Variants in B3GAT2 observed in about 807,000 individuals in gnomAD.
B3GAT2 encodes the protein beta-1,3-glucuronyltransferase 2, also known as galactosylgalactosylxylosylprotein 3-beta-glucuronosyltransferase 2.
A neutral mutation model predicts 27.8 loss-of-function variants in B3GAT2; 26 were observed. The observed-to-expected ratio is 0.93, with a 90% confidence interval of 0.68 to 1.30. The LOEUF (loss-of-function observed/expected upper bound fraction) is 1.30. B3GAT2 is among the 50% of genes most tolerant of loss of function. The pLI is 0.00. For synonymous variants in B3GAT2, 218 were observed against 195.1 expected (o/e 1.12, Z -0.98); for missense variants, 458 against 459.0 (o/e 1.00, Z 0.02).
chr6:70,857,861 A>G lies in B3GAT2; in HGVS notation c.*3802T>C. On this transcript the variant is annotated 3_prime_UTR_variant, in exon 4 of 4. Coordinates refer to ENST00000230053, the MANE Select transcript of B3GAT2 (RefSeq NM_080742.3). ...AGAAAGGCAATTTTTCTGTGATTAT[A>G]GAGATGAGTGCAACTACACGTGATA... 6.4e-7 allele frequency: 1 copy of G among 1,557,302 alleles called. No homozygotes were observed. Among genetic ancestry groups the G allele is most frequent in the African/African-American group, 1.4e-5 (1 of 73,660 alleles).
chr6:70,936,325 T>G (rs536229921), intron 1 of B3GAT2, among the ~76,000 whole-genome samples: 7 of 152,046 alleles, frequency 4.6e-5, no homozygotes, highest in African/African-American at 1.7e-4. Flanking sequence ...CACCCCACTG[T>G]GAACATTAGA....
At chr6:70,918,797 A>AC (rs998812072) in intron 1 of B3GAT2, among the ~76,000 whole-genome samples, 73 of 152,200 alleles carry the variant, frequency 4.8e-4, no homozygotes, top group African/African-American at 1.7e-3. Context: ...TTTGTGGGTA[A>AC]CCCGACCTTT....
intron 2 of B3GAT2, among the ~76,000 whole-genome samples, chr6:70,877,668 T>C (rs1245463442): frequency 6.6e-6 from 1 of 152,184 alleles, no homozygotes; most frequent in Admixed American, 6.5e-5. Context: ...CTGACATGAA[T>C]GTGGTGGCGG....
At chr6:70,917,957 ACTTT>A (rs1772801847) in intron 1 of B3GAT2, among the ~76,000 whole-genome samples, 1 of 151,922 alleles carries the variant, frequency 6.6e-6, no homozygotes, top group Non-Finnish European at 1.5e-5. Context: ...ATCCTTGTTA[ACTTT>A]CTGTCTCGTT....
At position 70,859,974 on chromosome 6, in the gene B3GAT2, T is replaced by A; in HGVS notation, c.*1689A>T. On this transcript the variant is annotated 3_prime_UTR_variant, in exon 4 of 4. Coordinates refer to ENST00000230053, the MANE Select transcript of B3GAT2 (RefSeq NM_080742.3). ...CCAAGATTGCTTTGGTATTTTTTTTTAAGTAAGTTGTGGTTAATCTTTGGG... is the reference window on the plus strand; with the variant it reads ...CCAAGATTGCTTTGGTATTTTTTTTAAAGTAAGTTGTGGTTAATCTTTGGG... 2.5e-6 allele frequency: 1 copy of A among 405,078 alleles called. No individual in the cohort carries two copies. Among genetic ancestry groups the A allele is most frequent in the Non-Finnish European group, 4.2e-6 (1 of 235,732 alleles). 25.1% of individuals were successfully genotyped at this position (405,078 alleles called of 1,614,324 possible).
At position 70,924,989 on chromosome 6, in the gene B3GAT2, C is replaced by T. The variant is rs372448321; in HGVS notation, c.592-30717G>A. The stretch of plus-strand genomic sequence containing the variant: ...TTTGAGATGTCTTTTCAGGCTTTTG[C>T]AATTCTGACAACCAGATGGCACCAC... On this transcript the variant is annotated intron_variant, in intron 1 of 3. Transcript: ENST00000230053. Among the ~76,000 whole-genome samples, 6 of 152,238 alleles carry T rather than the reference C, an allele frequency of 3.9e-5. No individual in the cohort carries two copies. The East Asian group carries it at 5.8e-4, about 15-fold the overall frequency.
At chr6:70,921,180 G>T (rs113159393) in intron 1 of B3GAT2, among the ~76,000 whole-genome samples, 8 of 152,120 alleles carry the variant, frequency 5.3e-5, no homozygotes, top group African/African-American at 1.9e-4. Flanking sequence ...CTCTAGCAAG[G>T]CTGGAAAAAT....
At position 70,957,007 on chromosome 6, in the gene B3GAT2, C is replaced by T. The variant is rs1475383766; in HGVS notation, c.-578G>A. On this transcript the variant is annotated 5_prime_UTR_variant, in exon 1 of 4. Transcript: ENST00000230053. ...CTGTGTTCGCGCGCCGCAGCGGAAG[C>T]CTGCTCTCAGTCCCTTGCTCTTGTC... 1.0e-6 allele frequency: 1 copy of T among 1,000,246 alleles called. No homozygotes were observed. The highest frequency in any genetic ancestry group is 1.2e-6 in the Non-Finnish European group (1 of 840,214). The allele number at this position is 1,000,246 out of a possible 1,614,324, so 62.0% of individuals were successfully genotyped here. A position where few individuals can be genotyped will look rare whatever the true frequency, so the allele number is the denominator to read the frequency against.
In B3GAT2 at chr6:70,949,668, TA is replaced by T. The variant is rs1765547422; in HGVS notation, c.591+6170del. On this transcript the variant is annotated intron_variant, in intron 1 of 3. Coordinates refer to ENST00000230053, the MANE Select transcript of B3GAT2 (RefSeq NM_080742.3). ...TGGTGATTCCTCAGGGATCTAGAACTAGAAATATCATTTGATCCAGCCATCC... is the reference window on the plus strand; with the variant it reads ...TGGTGATTCCTCAGGGATCTAGAACTGAAATATCATTTGATCCAGCCATCC... Among the ~76,000 whole-genome samples, 4 of 151,626 alleles carry T rather than the reference TA, an allele frequency of 2.6e-5. No homozygotes were observed. The South Asian group carries it at 8.4e-4, about 32-fold the overall frequency.
At chr6:70,955,209 A>G (rs1159285661) in intron 1 of B3GAT2, among the ~76,000 whole-genome samples, 1 of 151,796 alleles carries the variant, frequency 6.6e-6, no homozygotes, top group African/African-American at 2.4e-5. Flanking sequence ...GAGGGTCAGA[A>G]AAGACTTTTG....
chr6:70,951,997 T>C (rs2150053629), intron 1 of B3GAT2, among the ~76,000 whole-genome samples: 1 of 152,164 alleles, frequency 6.6e-6, no homozygotes, highest in East Asian at 1.9e-4. Flanking sequence ...ATAGAAGTAC[T>C]ATTTAGGGGG....
intron 1 of B3GAT2, among the ~76,000 whole-genome samples, chr6:70,929,118 C>G (rs569128027): frequency 6.6e-6 from 1 of 151,988 alleles, no homozygotes; most frequent in Admixed American, 6.6e-5. Context: ...GGACAAAAAA[C>G]CAAACACCGC....
chr6:70,886,790 T>A (rs981517562), intron 2 of B3GAT2, among the ~76,000 whole-genome samples: 1 of 152,102 alleles, frequency 6.6e-6, no homozygotes, highest in African/African-American at 2.4e-5. Flanking sequence ...TCCCTGCAAG[T>A]CTCTAGACTG....
At chr6:70,902,768 G>A (rs1772528723) in intron 1 of B3GAT2, among the ~76,000 whole-genome samples, 1 of 151,802 alleles carries the variant, frequency 6.6e-6, no homozygotes, top group Non-Finnish European at 1.5e-5. Flanking sequence ...AAGACATTAT[G>A]CTAAGTAAAA....
At chr6:70,878,046 C>T (rs752569697) in intron 2 of B3GAT2, among the ~76,000 whole-genome samples, 58 of 152,132 alleles carry the variant, frequency 3.8e-4, no homozygotes, top group Admixed American at 1.5e-3. Flanking sequence ...TAGTGTAGTG[C>T]TTTGAGCCTA....
intron 1 of B3GAT2, among the ~76,000 whole-genome samples, chr6:70,949,227 C>A (rs908992438): frequency 6.6e-5 from 10 of 151,760 alleles, no homozygotes; most frequent in African/African-American, 2.4e-4. Context: ...AACTAAAGAG[C>A]TTCTGCACAG....
chr6:70,897,616 G>A (rs1234095968), intron 1 of B3GAT2, among the ~76,000 whole-genome samples: 1 of 147,766 alleles, frequency 6.8e-6, no homozygotes, highest in Non-Finnish European at 1.5e-5. Flanking sequence ...GGGAACACCT[G>A]TAACAACAGC....
chr6:70,919,436 G>T (rs139770891), intron 1 of B3GAT2, among the ~76,000 whole-genome samples: 5 of 152,108 alleles, frequency 3.3e-5, no homozygotes, highest in African/African-American at 1.2e-4. Flanking sequence ...GTCCAGTTTT[G>T]TTCCCTTGCT....
chr6:70,949,802 C>A (rs1233941549), intron 1 of B3GAT2, among the ~76,000 whole-genome samples: 1 of 151,366 alleles, frequency 6.6e-6, no homozygotes, highest in Non-Finnish European at 1.5e-5. Flanking sequence ...TTGGAACCAA[C>A]CCAAATGTCC....
Sources: gnomAD v4.1 joint callset for allele counts (sites outside exome capture counted in the v4.1 genomes callset) on GRCh38, gnomAD v4.1.1 for gene constraint, MANE v1.5 for transcripts, NCBI Gene and HGNC (gene_info 2026-07-23, HGNC 2026-07-21) for gene names.